The following MACROD2 variants were observed in gnomAD, a reference collection of about 807,000 sequenced individuals.
The protein encoded by MACROD2 is mono-ADP ribosylhydrolase 2.
MACROD2 carries 36 observed loss-of-function variants against 70.4 expected under a neutral mutation model. The observed-to-expected ratio is 0.51, with a 90% CI of 0.39 to 0.68. The LOEUF (loss-of-function observed/expected upper bound fraction) is 0.68, where lower values mean the gene tolerates loss of function less well. MACROD2 is among the 30% of genes least tolerant of loss of function. The pLI is 0.00. For synonymous variants in MACROD2, 172 were observed against 178.8 expected (o/e 0.96, Z 0.30); for missense variants, 496 against 538.4 (o/e 0.92, Z 0.78).
intron 5 of MACROD2, among the ~76,000 whole-genome samples, chr20:15,118,101 T>C (rs1361782054): frequency 6.6e-6 from 1 of 152,154 alleles, no homozygotes; most frequent in Non-Finnish European, 1.5e-5. Flanking sequence ...AAGGTCTAGC[T>C]ACCTTTCTAG....
At chr20:14,332,885 C>T (rs926459265) in intron 3 of MACROD2, among the ~76,000 whole-genome samples, 2 of 151,978 alleles carry the variant, frequency 1.3e-5, no homozygotes, top group Non-Finnish European at 2.9e-5. Flanking sequence ...AAAAGCTCAA[C>T]CTGTGAATGC....
At chr20:15,243,935 AAAAAG>A (rs901261379) in intron 6 of MACROD2, among the ~76,000 whole-genome samples, 5 of 152,124 alleles carry the variant, frequency 3.3e-5, no homozygotes, top group Non-Finnish European at 7.4e-5. Flanking sequence ...CAAAAACAAA[AAAAAG>A]AAAGAAAATT....
At chr20:14,057,172 C>G (rs1359702954) in intron 2 of MACROD2, among the ~76,000 whole-genome samples, 1 of 152,118 alleles carries the variant, frequency 6.6e-6, no homozygotes, top group Non-Finnish European at 1.5e-5. Context: ...TATCTTACAT[C>G]TTTCTATCAG....
At chr20:14,222,813 GAAAAAAAAAAAAAAA>G (rs199573606) in intron 3 of MACROD2, among the ~76,000 whole-genome samples, 16 of 132,922 alleles carry the variant, frequency 1.2e-4, no homozygotes, top group African/African-American at 2.0e-4. Context: ...TTGGATTTCT[GAAAAAAAAAAAAAAA>G]AAAAAAAAAA....
intron 3 of MACROD2, among the ~76,000 whole-genome samples, chr20:14,236,349 G>A (rs957212632): frequency 6.6e-6 from 1 of 151,962 alleles, no homozygotes; most frequent in Admixed American, 6.6e-5. Flanking sequence ...AGCTTTATGA[G>A]CTTTAGAATC....
intron 15 of MACROD2, among the ~76,000 whole-genome samples, chr20:16,021,993 T>G (rs953576592): frequency 2.6e-5 from 4 of 151,992 alleles, no homozygotes; most frequent in Non-Finnish European, 5.9e-5. Context: ...TGTGGTCATT[T>G]AGCAAAAAGT....
chr20:14,534,564 A>G (rs2085342400), intron 4 of MACROD2, among the ~76,000 whole-genome samples: 1 of 152,224 alleles, frequency 6.6e-6, no homozygotes, highest in Admixed American at 6.5e-5. Context: ...ATACAGATGT[A>G]TTTTAGAAGG....
At chr20:14,369,479 T>C (rs2083303265) in intron 3 of MACROD2, among the ~76,000 whole-genome samples, 3 of 152,208 alleles carry the variant, frequency 2.0e-5, no homozygotes, top group African/African-American at 7.2e-5. Context: ...ATTTTTAATA[T>C]TTTGGTTTCA....
rs547636959 is a variant in MACROD2 at position 15,507,359 on chromosome 20, C to T, written c.645+7512C>T. On this transcript the variant is annotated intron_variant, in intron 8 of 17. Transcript: ENST00000684519. ...CAATTCCCTCCTCCCTTTTTCCTTCCTTTTTCTTTCTTTCTCCTTCCTTCC... is the reference window on the plus strand; with the variant it reads ...CAATTCCCTCCTCCCTTTTTCCTTCTTTTTTCTTTCTTTCTCCTTCCTTCC... Among the ~76,000 whole-genome samples the T allele has an allele frequency of 1.3e-3, 185 of 146,058 alleles. 4 individuals carry two copies. Among genetic ancestry groups the T allele is most frequent in the Middle Eastern group, 3.4e-3 (1 of 294 alleles).
intron 8 of MACROD2, among the ~76,000 whole-genome samples, chr20:15,691,425 A>G (rs943060522): frequency 6.6e-6 from 1 of 152,216 alleles, no homozygotes; most frequent in Non-Finnish European, 1.5e-5. Context: ...CATTTTAGGC[A>G]TTGGGCTACA....
chr20:15,650,293 C>T (rs2049624017), intron 8 of MACROD2, among the ~76,000 whole-genome samples: 1 of 152,160 alleles, frequency 6.6e-6, no homozygotes, highest in Admixed American at 6.5e-5. Flanking sequence ...TGATAAATGA[C>T]AATGTATACC....
intron 10 of MACROD2, among the ~76,000 whole-genome samples, chr20:15,930,923 T>G (rs1208468182): frequency 2.6e-5 from 4 of 152,222 alleles, no homozygotes; most frequent in African/African-American, 9.6e-5. Flanking sequence ...CTTTCCCTTC[T>G]TATCTTCCTC....
chr20:15,441,618 AAAG>A (rs1281840411), intron 7 of MACROD2, among the ~76,000 whole-genome samples: 5 of 152,074 alleles, frequency 3.3e-5, no homozygotes, highest in African/African-American at 4.8e-5. Flanking sequence ...AATAATTAAA[AAAG>A]AAAACAAAAA....
intron 5 of MACROD2, among the ~76,000 whole-genome samples, chr20:14,931,004 A>T (rs2074290839): frequency 6.6e-6 from 1 of 152,020 alleles, no homozygotes; most frequent in South Asian, 2.1e-4. Flanking sequence ...ATCCTTAAAA[A>T]TATATTTTTT....
chr20:15,609,043 G>A (rs2048931084), intron 8 of MACROD2, among the ~76,000 whole-genome samples: 1 of 152,102 alleles, frequency 6.6e-6, no homozygotes, highest in Admixed American at 6.6e-5. Flanking sequence ...GCTACATCCT[G>A]CTGTTCTTTC....
chr20:14,601,139 G>T (rs1380992045), intron 4 of MACROD2, among the ~76,000 whole-genome samples: 1 of 152,136 alleles, frequency 6.6e-6, no homozygotes, highest in African/African-American at 2.4e-5. Flanking sequence ...AAGCACCAGG[G>T]CTGACTTATC....
chr20:15,429,032 G>A (rs762517465), intron 6 of MACROD2, among the ~76,000 whole-genome samples: 1 of 152,120 alleles, frequency 6.6e-6, no homozygotes, highest in Non-Finnish European at 1.5e-5. Context: ...TGACTGGCAT[G>A]GCACAAATAT....
chr20:15,329,613 C>CA (rs1186509996), intron 6 of MACROD2, among the ~76,000 whole-genome samples: 1 of 151,898 alleles, frequency 6.6e-6, no homozygotes, highest in African/African-American at 2.4e-5. Flanking sequence ...AAAGTAATAT[C>CA]AAAAAATGAA....
intron 5 of MACROD2, among the ~76,000 whole-genome samples, chr20:15,207,693 G>A (rs887294499): frequency 2.6e-5 from 4 of 151,526 alleles, no homozygotes; most frequent in Admixed American, 6.6e-5. Flanking sequence ...TGCCCACCTC[G>A]GCCTGCCAAA....
Sources: gnomAD v4.1 joint callset for allele counts (sites outside exome capture counted in the v4.1 genomes callset) on GRCh38, gnomAD v4.1.1 for gene constraint, MANE v1.5 for transcripts, NCBI Gene and HGNC (gene_info 2026-07-23, HGNC 2026-07-21) for gene names.